Variants in PPM1H observed in about 807,000 individuals in gnomAD.
PPM1H encodes the protein protein phosphatase 1H.
A neutral mutation model predicts 54.9 loss-of-function variants in PPM1H; 27 were observed. That is an observed-to-expected ratio of 0.49 (90% CI 0.36 to 0.68). The LOEUF is 0.68. PPM1H is among the 30% of genes least tolerant of loss of function. PPM1H has a pLI of 0.00. For missense variants in PPM1H, 596 were observed against 667.8 expected, an observed-to-expected ratio of 0.89 and a Z score of 1.19; for synonymous variants, 305 against 270.8, an observed-to-expected ratio of 1.13 and a Z score of -1.24.
rs1390775108 is a variant in PPM1H at position 62,801,822 on chromosome 12, C to T, written c.750G>A (p.Lys250=). 3.1e-6 allele frequency: 5 copies of T among 1,613,716 alleles called. No individual in the cohort carries two copies. Among genetic ancestry groups the T allele is most frequent in the Non-Finnish European group, 3.4e-6 (4 of 1,179,768 alleles). ...GACTCCCAGGAATACCTACCATTTC[C>T]TTGAATGCACTTTCAAGCGCTCCGA... ...LVIGALESAF[K]EMDLQIERER... Residue 250 remains lysine (K), a synonymous_variant, in exon 3 of 10, where the codon AAG becomes AAA. Transcript: ENST00000228705.
chr12:62,653,682 T>A (rs956013472), intron 9 of PPM1H, among the ~76,000 whole-genome samples: 7 of 152,190 alleles, frequency 4.6e-5, no homozygotes, highest in African/African-American at 1.4e-4. Context: ...CCCTGGGTTA[T>A]CCAAAGAGAT....
At chr12:62,753,475 C>T (rs545636979) in intron 4 of PPM1H, among the ~76,000 whole-genome samples, 64 of 152,350 alleles carry the variant, frequency 4.2e-4, no homozygotes, top group African/African-American at 1.5e-3. Flanking sequence ...GGATGAACAT[C>T]TAACATCTTT....
intron 6 of PPM1H, among the ~76,000 whole-genome samples, chr12:62,715,511 AC>A (rs2076230103): frequency 6.6e-6 from 1 of 151,946 alleles, no homozygotes; most frequent in Non-Finnish European, 1.5e-5. Flanking sequence ...GGTGACAATA[AC>A]CTTTTGTCCT....
At chr12:62,902,990 T>A (rs991456272) in intron 1 of PPM1H, among the ~76,000 whole-genome samples, 1 of 152,276 alleles carries the variant, frequency 6.6e-6, no homozygotes, top group East Asian at 1.9e-4. Flanking sequence ...TGATCACTGC[T>A]TTTTTACAAG....
chr12:62,755,550 G>T lies in PPM1H; in HGVS notation c.870-17964C>A, dbSNP rs2076468341. 7 of 660,916 alleles carry T rather than the reference G, an allele frequency of 1.1e-5. No individual in the cohort carries two copies. In the Admixed American group the frequency reaches 1.3e-4, roughly 12 times the overall value. The allele number at this position is 660,916 out of a possible 1,614,324, so 40.9% of individuals were successfully genotyped here. ...TCTTCACCACCATGGAGAAGGCTGGGACTCACTTGCAGCGGGGAGCCAAAA... is the reference window on the plus strand; with the variant it reads ...TCTTCACCACCATGGAGAAGGCTGGTACTCACTTGCAGCGGGGAGCCAAAA... On this transcript the variant is annotated intron_variant, in intron 4 of 9. Coordinates refer to ENST00000228705, the MANE Select transcript of PPM1H (RefSeq NM_020700.2).
chr12:62,846,025 G>A (rs1460311646), intron 1 of PPM1H, among the ~76,000 whole-genome samples: 1 of 152,026 alleles, frequency 6.6e-6, no homozygotes, highest in Non-Finnish European at 1.5e-5. Context: ...CCATTTCCAT[G>A]CCTTGTCCAG....
intron 5 of PPM1H, among the ~76,000 whole-genome samples, chr12:62,723,441 T>C (rs1592563516): frequency 6.6e-6 from 1 of 152,186 alleles, no homozygotes; most frequent in African/African-American, 2.4e-5. Context: ...AATTCATGTG[T>C]TGGCAATTTA....
At position 62,648,626 on chromosome 12, in the gene PPM1H, C is replaced by A. The variant is rs747764925; in HGVS notation, c.1408G>T (p.Ala470Ser). Residue 470 changes from alanine to serine, a missense_variant, in exon 10 of 10, where the codon GCA (alanine) becomes TCA (serine). Physicochemically the swap from Ala to Ser is moderately conservative, Grantham distance 99. Coordinates refer to ENST00000228705, the MANE Select transcript of PPM1H (RefSeq NM_020700.2). ...GCACGCATCACCAGGTCCTGAGCTG[C>A]CAGTGTGTACCTACACAGGAGAACC... ...DPDDPHRYTL[A>S]AQDLVMRARG... is the part of the protein sequence containing the mutation. 11 of 1,613,782 alleles carry A rather than the reference C, an allele frequency of 6.8e-6. No homozygotes were observed. In the South Asian group the frequency reaches 1.2e-4, roughly 18 times the overall value.
intron 8 of PPM1H, among the ~76,000 whole-genome samples, chr12:62,686,446 C>G (rs952143783): frequency 9.2e-5 from 14 of 152,168 alleles, no homozygotes; most frequent in Non-Finnish European, 1.6e-4. Flanking sequence ...TGACAAATGC[C>G]TCTCTTGTAA....
intron 8 of PPM1H, among the ~76,000 whole-genome samples, chr12:62,680,174 C>A (rs1420385889): frequency 6.6e-6 from 1 of 152,120 alleles, no homozygotes; most frequent in Non-Finnish European, 1.5e-5. Flanking sequence ...AGAAGCCTTG[C>A]TGATGCTGCC....
chr12:62,853,739 T>A (rs1869280137), intron 1 of PPM1H, among the ~76,000 whole-genome samples: 1 of 152,050 alleles, frequency 6.6e-6, no homozygotes. Flanking sequence ...GGGAACAACA[T>A]CCTCATCATC....
At chr12:62,741,704 G>C (rs1303421175) in intron 4 of PPM1H, among the ~76,000 whole-genome samples, 1 of 152,134 alleles carries the variant, frequency 6.6e-6, no homozygotes, top group Non-Finnish European at 1.5e-5. Context: ...TTCCATGGCT[G>C]TCTTGAACTA....
chr12:62,839,377 G>C (rs1027751097), intron 1 of PPM1H, among the ~76,000 whole-genome samples: 1 of 152,104 alleles, frequency 6.6e-6, no homozygotes, highest in Non-Finnish European at 1.5e-5. Flanking sequence ...TCATTAAAAG[G>C]TAAATTAGTT....
intron 1 of PPM1H, among the ~76,000 whole-genome samples, chr12:62,927,791 T>TA (rs1872020704): frequency 6.6e-6 from 1 of 151,664 alleles, no homozygotes. Context: ...TTATTTTTTT[T>TA]AAAAAAATAC....
At chr12:62,914,786 G>C (rs1871568516) in intron 1 of PPM1H, among the ~76,000 whole-genome samples, 1 of 152,192 alleles carries the variant, frequency 6.6e-6, no homozygotes, top group South Asian at 2.1e-4. Context: ...TACAAAGGGA[G>C]CAGAGAAGTG....
intron 1 of PPM1H, among the ~76,000 whole-genome samples, chr12:62,862,866 CT>C (rs1869649169): frequency 6.6e-6 from 1 of 152,176 alleles, no homozygotes; most frequent in Non-Finnish European, 1.5e-5. Context: ...TCATTTCAAT[CT>C]TTTAAAAATG....
intron 8 of PPM1H, among the ~76,000 whole-genome samples, chr12:62,671,624 G>C (rs2136617315): frequency 6.6e-6 from 1 of 152,282 alleles, no homozygotes; most frequent in Admixed American, 6.5e-5. Context: ...GAAAAATCCA[G>C]CATGGTAAGG....
chr12:62,672,466 T>A (rs1464397749), intron 8 of PPM1H, among the ~76,000 whole-genome samples: 2 of 152,226 alleles, frequency 1.3e-5, no homozygotes, highest in Admixed American at 6.5e-5. Flanking sequence ...CCTAAATGTG[T>A]TTAGAATCAC....
At chr12:62,648,710 G>C (rs757558009) in intron 9 of PPM1H, 74 bp from the exon 10 acceptor site, 4 of 1,495,024 alleles carry the variant, frequency 2.7e-6, no homozygotes, top group Non-Finnish European at 1.8e-6. Flanking sequence ...AGGCTGGGAA[G>C]GGGGAGGCAT....
Sources: allele counts gnomAD v4.1 joint callset (sites outside exome capture counted in the v4.1 genomes callset), GRCh38; gene constraint gnomAD v4.1.1; transcripts MANE v1.5; gene names NCBI Gene and HGNC (gene_info 2026-07-23, HGNC 2026-07-21).